The following GRID2IP variants were observed in gnomAD, a reference collection of about 807,000 sequenced individuals.
GRID2IP encodes the protein Grid2 interacting protein.
GRID2IP carries 78 observed loss-of-function variants against 114.3 expected under a neutral mutation model. The ratio of observed to expected loss-of-function variants is 0.68; its 90% CI spans 0.57 to 0.82. GRID2IP has a LOEUF of 0.82. GRID2IP is among the 40% of genes least tolerant of loss of function. GRID2IP has a pLI of 0.00. For missense variants in GRID2IP, 1,727 were observed against 1,678.5 expected, an observed-to-expected ratio of 1.03 and a Z score of -0.51; for synonymous variants, 809 against 724.0, an observed-to-expected ratio of 1.12 and a Z score of -1.89.
chr7:6,537,300 T>C (rs1271166484), intron 2 of GRID2IP, among the ~76,000 whole-genome samples: 1 of 149,798 alleles, frequency 6.7e-6, no homozygotes, highest in Non-Finnish European at 1.5e-5. Context: ...TCCCAGCATT[T>C]TGGGAGGCTG....
rs530980020 is a variant in GRID2IP, at chr7:6,516,959, G to A, written c.1269-2430C>T. ...CTTGTACACAATAAATAACAGCACG[G>A]CCAGGCATTCGGGGCCACTACTGGT... is the stretch of plus-strand genomic sequence containing the variant. On this transcript the variant is annotated intron_variant, in intron 7 of 21. Coordinates refer to ENST00000457091, the MANE Select transcript of GRID2IP (RefSeq NM_001145118.2). This position sits in a 1 kb window ranked among gnomAD's most constrained non-coding sequence, Gnocchi z 4.3. Among the ~76,000 whole-genome samples the A allele has an allele frequency of 6.6e-6, 1 of 151,858 alleles. No homozygotes were observed. Among genetic ancestry groups the A allele is most frequent in the Admixed American group, 6.6e-5 (1 of 15,250 alleles).
intron 14 of GRID2IP, 84 bp downstream of exon 14, chr7:6,505,736 G>T: frequency 2.4e-6 from 2 of 846,370 alleles, no homozygotes; most frequent in Non-Finnish European, 3.9e-6. Context: ...ATAGTAGTCA[G>T]TGCAGCCCTG....
chr7:6,542,764 T>A (rs1180841716), intron 1 of GRID2IP, among the ~76,000 whole-genome samples: 2 of 152,228 alleles, frequency 1.3e-5, no homozygotes, highest in Non-Finnish European at 2.9e-5. Context: ...ATGGTAGTGA[T>A]GGGTGTTACA....
intron 1 of GRID2IP, among the ~76,000 whole-genome samples, chr7:6,550,587 G>A (rs1409709858): frequency 6.8e-6 from 1 of 146,680 alleles, no homozygotes; most frequent in Non-Finnish European, 1.5e-5. Context: ...GAGGTGGGCA[G>A]ATCACTTGAG....
rs1240000658 is a variant in GRID2IP, at chr7:6,526,638, G to A, written c.716C>T (p.Pro239Leu). Residue 239 changes from proline to leucine, a missense_variant, in exon 3 of 22, where the codon CCG becomes CTG. Physicochemically the swap from Pro to Leu is moderately conservative, Grantham distance 98. Transcript: ENST00000457091. The surrounding 1 kb of genome is among the most constrained non-coding windows in gnomAD (Gnocchi z 7.6). ...GCGCGTGGACACCAGGAGGCGCTCC[G>A]GCCGCTCCTCGCTGCGGCTCCGGCG... ...RLRRSRSEERPERLLVSTRAS... is the reference protein window; with the variant it reads ...RLRRSRSEERLERLLVSTRAS... The A allele has an allele frequency of 1.5e-6, 2 of 1,359,496 alleles. No individual in the cohort carries two copies. Among genetic ancestry groups the A allele is most frequent in the Non-Finnish European group, 1.9e-6 (2 of 1,057,168 alleles). 84.2% of individuals were successfully genotyped at this position (1,359,496 alleles called of 1,614,324 possible).
chr7:6,551,322 G>C lies in GRID2IP; in HGVS notation c.115C>G (p.His39Asp). 1.9e-6 allele frequency: 3 copies of C among 1,546,528 alleles called. No individual in the cohort carries two copies. The highest frequency in any genetic ancestry group is 2.6e-6 in the Non-Finnish European group (3 of 1,146,640). Reference protein sequence around the residue: ...VLEVAKGSSAHAGGLRPGDQI... With the variant: ...VLEVAKGSSADAGGLRPGDQI... The stretch of plus-strand genomic sequence containing the variant: ...TCTCCTGGCCGCAGTCCTCCGGCAT[G>C]CGCGCTGCTCCCCTTGGCCACCTCC... The change falls in exon 1 of 22, where the codon CAT becomes GAT. Residue 39 changes from histidine to aspartate, a missense_variant. Physicochemically the swap from His to Asp is moderately conservative, Grantham distance 81 (BLOSUM62 -1). Coordinates refer to ENST00000457091, the MANE Select transcript of GRID2IP (RefSeq NM_001145118.2).
Position 6,521,551 on chromosome 7 carries a change from C to A in GRID2IP, c.990-28G>T. The A allele has an allele frequency of 1.3e-6, 2 of 1,508,394 alleles. No homozygotes were observed. The highest frequency in any genetic ancestry group is 1.3e-5 in the South Asian group (1 of 79,344). The allele number at this position is 1,508,394 out of a possible 1,614,324, so 93.4% of individuals were successfully genotyped here. On this transcript the variant is annotated intron_variant, in intron 5 of 21. Transcript: ENST00000457091. This position sits in a 1 kb window ranked among gnomAD's most constrained non-coding sequence, Gnocchi z 4.1. ...GCCAAGCAGAGATGGCCCAGGAGGG[C>A]CTGACTGGGGTGAGCCCTGTCCACG...
Position 6,507,932 on chromosome 7 carries a change from G to C in GRID2IP, c.2544+53C>G. 1 of 1,540,410 alleles carries C rather than the reference G, an allele frequency of 6.5e-7. No individual in the cohort carries two copies. The highest frequency in any genetic ancestry group is 8.8e-7 in the Non-Finnish European group (1 of 1,142,768). On this transcript the variant is annotated intron_variant, in intron 13 of 21. Coordinates refer to ENST00000457091, the MANE Select transcript of GRID2IP (RefSeq NM_001145118.2). The surrounding 1 kb of genome is among the most constrained non-coding windows in gnomAD (Gnocchi z 5.3). ...CGATGGGTTTTCCTTCAGTGCTGCT[G>C]CCCAAGCCATCCTCCCCCAGTACAG...
rs1231699213 is a variant in GRID2IP, at chr7:6,509,758, G to A, written c.1772-445C>T. On this transcript the variant is annotated intron_variant, in intron 11 of 21. Transcript: ENST00000457091. This position sits in a 1 kb window ranked among gnomAD's most constrained non-coding sequence, Gnocchi z 4.9. Reference sequence around the variant, plus strand: ...AGCTGTGCCAACGCTGGTACAACGCGTTGCACTTGATCATTTATCCAATAA... The same window carrying A: ...AGCTGTGCCAACGCTGGTACAACGCATTGCACTTGATCATTTATCCAATAA... 6.6e-6 allele frequency among the ~76,000 whole-genome samples: 1 copy of A among 152,194 alleles called. No homozygotes were observed. Among genetic ancestry groups the A allele is most frequent in the Non-Finnish European group, 1.5e-5 (1 of 68,022 alleles).
intron 2 of GRID2IP, among the ~76,000 whole-genome samples, chr7:6,533,533 A>G (rs904132748): frequency 4.7e-5 from 7 of 149,922 alleles, no homozygotes; most frequent in African/African-American, 1.7e-4. Flanking sequence ...TAATTTTTTA[A>G]TTTTTTTGTG....
At position 6,539,708 on chromosome 7, in the gene GRID2IP, C is replaced by T. The variant is rs949369156; in HGVS notation, c.584+10G>A. Reference sequence around the variant, plus strand: ...CCCTGCCTGTCTATCCTGCCCCCTGCCCGCAGTACCTGAGGTTGTCCAGGA... The same window carrying T: ...CCCTGCCTGTCTATCCTGCCCCCTGTCCGCAGTACCTGAGGTTGTCCAGGA... On this transcript the variant is annotated intron_variant, in intron 2 of 21. Transcript: ENST00000457091. The T allele has an allele frequency of 3.5e-5, 54 of 1,541,556 alleles. No individual in the cohort carries two copies. The highest frequency in any genetic ancestry group is 4.7e-5 in the Non-Finnish European group (54 of 1,142,186).
chr7:6,545,657 C>T (rs547226177), intron 1 of GRID2IP, among the ~76,000 whole-genome samples: 1 of 152,226 alleles, frequency 6.6e-6, no homozygotes, highest in Non-Finnish European at 1.5e-5. Flanking sequence ...CTGTCTCCCC[C>T]ACCCAGGTGT....
At chr7:6,545,145 G>A (rs534208301) in intron 1 of GRID2IP, among the ~76,000 whole-genome samples, 21 of 152,092 alleles carry the variant, frequency 1.4e-4, no homozygotes, top group Admixed American at 1.1e-3. Flanking sequence ...GGTGGTGCAC[G>A]CTTGTATTCC....
chr7:6,530,893 G>C (rs1779608179), intron 2 of GRID2IP, among the ~76,000 whole-genome samples: 1 of 152,238 alleles, frequency 6.6e-6, no homozygotes, highest in African/African-American at 2.4e-5. Flanking sequence ...TACCCACCGA[G>C]TTTATTTCCA....
intron 4 of GRID2IP, 76 bp from the exon 5 acceptor site, chr7:6,522,033 A>T: frequency 1.7e-6 from 2 of 1,209,454 alleles, no homozygotes; most frequent in Non-Finnish European, 2.4e-6. Flanking sequence ...ATCCTGTTTT[A>T]CAGGCGAGAA....
Position 6,507,985 on chromosome 7 carries a change from C to G in GRID2IP, c.2544G>C (p.Gln848His). Residue 848 changes from glutamine (Q) to histidine (H), a missense_variant and splice_region_variant, in exon 13 of 22, where the codon CAG (glutamine) becomes CAC (histidine). By Grantham distance (24) the Gln-to-His change is conservative (BLOSUM62 0). Coordinates refer to ENST00000457091, the MANE Select transcript of GRID2IP (RefSeq NM_001145118.2). The surrounding 1 kb of genome is among the most constrained non-coding windows in gnomAD (Gnocchi z 5.3). The part of the protein sequence containing the change: ...VENSEGTIWG[Q>H]LGEDSDYDKL... The stretch of plus-strand genomic sequence containing the variant: ...CGCTGCTGGGTCCCAGGTCACCTAC[C>G]TGACCCCAGATGGTGCCTTCTGAGT... 6.5e-7 allele frequency: 1 copy of G among 1,550,028 alleles called. No homozygotes were observed. Among genetic ancestry groups the G allele is most frequent in the Non-Finnish European group, 8.7e-7 (1 of 1,146,768 alleles).
intron 4 of GRID2IP, among the ~76,000 whole-genome samples, chr7:6,522,715 G>A (rs1305690472): frequency 2.7e-5 from 4 of 150,106 alleles, no homozygotes; most frequent in South Asian, 2.1e-4. Flanking sequence ...GTGTGATCTC[G>A]GCTCACTGCA....
At chr7:6,544,112 T>C (rs1336829869) in intron 1 of GRID2IP, among the ~76,000 whole-genome samples, 1 of 151,972 alleles carries the variant, frequency 6.6e-6, no homozygotes, top group Non-Finnish European at 1.5e-5. Flanking sequence ...TGATCTTTAA[T>C]AGCTTGTGTA....
chr7:6,534,807 C>T lies in GRID2IP; in HGVS notation c.584+4911G>A, dbSNP rs564362498. On this transcript the variant is annotated intron_variant, in intron 2 of 21. Transcript: ENST00000457091. The surrounding 1 kb of genome is among the most constrained non-coding windows in gnomAD (Gnocchi z 4.5). ...TCACCTCACTGCAACCTCCACCTCC[C>T]GGGTTCAAGCGATTCTTCTGCTTCA... is the stretch of plus-strand genomic sequence containing the variant. Among the ~76,000 whole-genome samples the T allele has an allele frequency of 9.9e-5, 15 of 152,244 alleles. No individual in the cohort carries two copies. The East Asian group carries it at 1.9e-3, about 20-fold the overall frequency.
Sources: gnomAD v4.1 joint callset for allele counts (sites outside exome capture counted in the v4.1 genomes callset) on GRCh38, gnomAD v4.1.1 for gene constraint, Gnocchi (gnomAD v3.1) non-coding constraint, MANE v1.5 for transcripts, NCBI Gene and HGNC (gene_info 2026-07-23, HGNC 2026-07-21) for gene names.